CTNNA3: variants seen among roughly 807,000 people sequenced by gnomAD.
CTNNA3 encodes catenin alpha 3, also known as catenin alpha-3.
Under a neutral mutation model 95.7 loss-of-function variants are expected in CTNNA3, and 76 were observed. The observed-to-expected ratio is 0.79, with a 90% CI of 0.66 to 0.96. CTNNA3 has a LOEUF of 0.96. Ranked by LOEUF, CTNNA3 falls within the 40% of genes least tolerant of loss-of-function variation. The pLI, the probability that CTNNA3 is intolerant of heterozygous loss-of-function variation, is 0.00. For missense variants in CTNNA3, 1,191 were observed against 1,089.8 expected (o/e 1.09, Z -1.31); for synonymous variants, 431 against 374.4 (o/e 1.15, Z -1.74).
At chr10:67,240,399 G>A (rs189118021) in intron 5 of CTNNA3, among the ~76,000 whole-genome samples, 1 of 152,218 alleles carries the variant, frequency 6.6e-6, no homozygotes, top group East Asian at 1.9e-4. Flanking sequence ...CTTAAATTAG[G>A]AAATGGAAAC....
chr10:66,106,028 A>G lies in CTNNA3; in HGVS notation c.1885-2779T>C, dbSNP rs540516402. ...TTCGAGACCAGCCTGACCAACATGG[A>G]GAAACCCCGTCTCTACTAAAAATAC... On this transcript the variant is annotated intron_variant, in intron 13 of 17. Coordinates refer to ENST00000433211, the MANE Select transcript of CTNNA3 (RefSeq NM_013266.4). Among the ~76,000 whole-genome samples, 3 of 152,074 alleles carry G rather than the reference A, an allele frequency of 2.0e-5. No individual in the cohort carries two copies. The East Asian group carries it at 5.8e-4, about 30-fold the overall frequency.
intron 9 of CTNNA3, among the ~76,000 whole-genome samples, chr10:66,690,414 T>C (rs908008180): frequency 6.6e-6 from 1 of 151,908 alleles, no homozygotes; most frequent in Non-Finnish European, 1.5e-5. Flanking sequence ...CATGCTGGTG[T>C]GCTGCACCCA....
chr10:67,732,912 ATT>A (rs886577479), intron 1 of CTNNA3, among the ~76,000 whole-genome samples: 1 of 151,136 alleles, frequency 6.6e-6, no homozygotes, highest in African/African-American at 2.4e-5. Context: ...ACACACACAC[ATT>A]CTCTCTCTCA....
At chr10:66,405,589 A>T (rs1049666534) in intron 11 of CTNNA3, among the ~76,000 whole-genome samples, 1 of 152,104 alleles carries the variant, frequency 6.6e-6, no homozygotes, top group East Asian at 1.9e-4. Context: ...AATCCTATAT[A>T]TCTTTCTAAC....
chr10:67,314,755 A>G (rs1840969846), intron 5 of CTNNA3, among the ~76,000 whole-genome samples: 1 of 152,212 alleles, frequency 6.6e-6, no homozygotes, highest in African/African-American at 2.4e-5. Flanking sequence ...AAAATTGCTA[A>G]TGTCCAAATT....
At chr10:66,398,831 G>C (rs1183682780) in intron 11 of CTNNA3, among the ~76,000 whole-genome samples, 1 of 151,952 alleles carries the variant, frequency 6.6e-6, no homozygotes. Flanking sequence ...TCCACTGTCA[G>C]ACCATCTAAT....
chr10:65,942,387 T>C (rs60700208), intron 17 of CTNNA3, among the ~76,000 whole-genome samples: 9,894 of 151,932 alleles, frequency 0.065, 510 homozygotes, highest in African/African-American at 0.14. Flanking sequence ...ATTAGCCAGG[T>C]GTGGTGGCAG....
At chr10:66,288,591 A>G (rs1009296144) in intron 12 of CTNNA3, among the ~76,000 whole-genome samples, 3 of 152,136 alleles carry the variant, frequency 2.0e-5, no homozygotes, top group African/African-American at 7.2e-5. Context: ...ATACAATTAA[A>G]CATTTATTTC....
At chr10:66,272,163 A>G (rs2091296484) in intron 13 of CTNNA3, among the ~76,000 whole-genome samples, 1 of 152,172 alleles carries the variant, frequency 6.6e-6, no homozygotes. Flanking sequence ...CCTTTTACGA[A>G]GTTCCCTTAG....
chr10:65,939,003 C>T (rs1786910), intron 17 of CTNNA3, among the ~76,000 whole-genome samples: 22,895 of 151,724 alleles, frequency 0.15, 2,145 homozygotes, highest in South Asian at 0.23. Context: ...CCCGGGTTCA[C>T]GCCATTCTCC....
rs1310665953 is a variant in CTNNA3 at position 66,005,702 on chromosome 10, C to T, written c.2160-16905G>A. ...AAATACTCCTTGAAAGCACATAAGG[C>T]TCTGGCGTGGGGCAAAAGGAAGAAG... is the stretch of plus-strand genomic sequence containing the variant. On this transcript the variant is annotated intron_variant, in intron 15 of 17. Transcript: ENST00000433211. Among the ~76,000 whole-genome samples, 11 of 152,154 alleles carry T rather than the reference C, an allele frequency of 7.2e-5. No homozygotes were observed. The East Asian group carries it at 1.9e-3, about 27-fold the overall frequency.
intron 12 of CTNNA3, among the ~76,000 whole-genome samples, chr10:66,316,993 G>A (rs1791870890): frequency 6.6e-6 from 1 of 152,064 alleles, no homozygotes. Context: ...CCATAAGATA[G>A]ATGAAAGTTC....
intron 13 of CTNNA3, among the ~76,000 whole-genome samples, chr10:66,274,798 T>C (rs1030325324): frequency 6.6e-6 from 1 of 152,156 alleles, no homozygotes; most frequent in Non-Finnish European, 1.5e-5. Flanking sequence ...TTTAAGACAG[T>C]GATAAATCAA....
chr10:66,749,202 C>CAAAAAAAAAAAAA (rs35568730), intron 9 of CTNNA3, among the ~76,000 whole-genome samples: 13 of 50,864 alleles, frequency 2.6e-4, no homozygotes, highest in East Asian at 7.8e-4. Flanking sequence ...AACTCCAACT[C>CAAAAAAAAAAAAA]AAAAAAAAAA....
rs1345393945 is a variant in CTNNA3 at position 67,726,441 on chromosome 10, T to TATTATATATGATATATA, written c.-2+36992_-2+36993insTATATATCATATATAAT. On this transcript the variant is annotated intron_variant, in intron 1 of 17. Transcript: ENST00000684154. ...ATATTATATATTATATCATATATAA[T>TATTATATATGATATATA]ATATAATATTATATATGATATATGA... Among the ~76,000 whole-genome samples the TATTATATATGATATATA allele has an allele frequency of 1.8e-4, 13 of 72,442 alleles. 1 individual carries two copies. Among genetic ancestry groups the TATTATATATGATATATA allele is most frequent in the Non-Finnish European group, 2.3e-4 (10 of 43,026 alleles). 47.5% of individuals were successfully genotyped at this position (72,442 alleles called of 152,430 possible). A position where few individuals can be genotyped will look rare whatever the true frequency, so the allele number is the denominator to read the frequency against.
At chr10:67,008,695 C>CT (rs1852151694) in intron 7 of CTNNA3, among the ~76,000 whole-genome samples, 4 of 152,144 alleles carry the variant, frequency 2.6e-5, no homozygotes, top group African/African-American at 7.2e-5. Context: ...GCTAGGATAG[C>CT]ACATCTCTGC....
At chr10:67,405,107 A>C (rs1477052439) in intron 5 of CTNNA3, among the ~76,000 whole-genome samples, 2 of 152,152 alleles carry the variant, frequency 1.3e-5, no homozygotes, top group East Asian at 3.9e-4. Context: ...ACAAAAATAC[A>C]CTGAAGTATA....
At chr10:66,713,251 AAT>A (rs1373648625) in intron 9 of CTNNA3, among the ~76,000 whole-genome samples, 3 of 152,078 alleles carry the variant, frequency 2.0e-5, no homozygotes, top group African/African-American at 7.2e-5. Flanking sequence ...GGCAATATTC[AAT>A]AGCAGGGCCC....
At chr10:67,278,154 A>C (rs1470600855) in intron 5 of CTNNA3, among the ~76,000 whole-genome samples, 1 of 152,194 alleles carries the variant, frequency 6.6e-6, no homozygotes, top group Non-Finnish European at 1.5e-5. Context: ...TGGAGAACGT[A>C]CAGGTATAAC....
Sources: gnomAD v4.1 joint callset for allele counts (sites outside exome capture counted in the v4.1 genomes callset) on GRCh38, gnomAD v4.1.1 for gene constraint, MANE v1.5 for transcripts, NCBI Gene and HGNC (gene_info 2026-07-23, HGNC 2026-07-21) for gene names.